LARS1: variants seen among roughly 807,000 people sequenced by gnomAD.
The protein encoded by LARS1 is leucine--tRNA ligase, cytoplasmic.
LARS1 carries 100 observed loss-of-function variants against 162.8 expected under a neutral mutation model. That is an observed-to-expected ratio of 0.61 (90% CI 0.52 to 0.73). The LOEUF is 0.73. LARS1 is among the 30% of genes least tolerant of loss of function. LARS1 has a pLI of 0.00. For synonymous variants in LARS1, 457 were observed against 462.8 expected (o/e 0.99, Z 0.16); for missense variants, 1,258 against 1,408.9 (o/e 0.89, Z 1.71).
intron 15 of LARS1, among the ~76,000 whole-genome samples, chr5:146,146,190 A>G (rs1013682597): frequency 6.6e-6 from 1 of 152,118 alleles, no homozygotes. Context: ...AAAATACAAA[A>G]TTAGCTGGGC....
rs761536429 is a variant in LARS1 at position 146,159,383 on chromosome 5, C to G, written c.771+24G>C. 1.9e-6 allele frequency: 3 copies of G among 1,568,710 alleles called. No homozygotes were observed. The Admixed American group carries it at 5.1e-5, about 26-fold the overall frequency. On this transcript the variant is annotated intron_variant, in intron 8 of 31. Coordinates refer to ENST00000394434, the MANE Select transcript of LARS1 (RefSeq NM_020117.11). ...GTCTTATTAAGGATTATTATAATAG[C>G]TACTCTGTCTCACAAATAATCACCT... is the stretch of plus-strand genomic sequence containing the variant.
At position 146,142,881 on chromosome 5, in the gene LARS1, G is replaced by A. The variant is rs746106759; in HGVS notation, c.2081C>T (p.Pro694Leu). The change falls in exon 20 of 32, where the codon CCG (proline) becomes CTG (leucine). Residue 694 changes from proline to leucine, a missense_variant. Transcript: ENST00000394434. Reference protein sequence around the residue: ...YYLYNHVAMWPEQSDKWPTAV... With the variant: ...YYLYNHVAMWLEQSDKWPTAV... ...CTATTTTATCATTCACCTTTGTTCC[G>A]GCCACATAGCCACATGATTATAAAG... is the stretch of plus-strand genomic sequence containing the variant. 6.2e-6 allele frequency: 10 copies of A among 1,612,368 alleles called. No homozygotes were observed. Among genetic ancestry groups the A allele is most frequent in the African/African-American group, 1.3e-5 (1 of 74,756 alleles).
At chr5:146,162,950 T>C (rs543654945) in intron 6 of LARS1, among the ~76,000 whole-genome samples, 3 of 152,240 alleles carry the variant, frequency 2.0e-5, no homozygotes, top group East Asian at 3.9e-4. Context: ...GCTGGGATTA[T>C]AGGAGCCCGC....
intron 2 of LARS1, among the ~76,000 whole-genome samples, chr5:146,174,467 T>TCC (rs1241085304): frequency 1.2e-3 from 6 of 5,114 alleles, no homozygotes; most frequent in South Asian, 9.1e-3. Context: ...TATATATCCA[T>TCC]ATATATATAT....
At chr5:146,123,907 T>C (rs893046406) in intron 29 of LARS1, 75 bp downstream of exon 29, 23 of 693,326 alleles carry the variant, frequency 3.3e-5, no homozygotes, top group African/African-American at 5.5e-5. Context: ...TATAAAAAGG[T>C]TTATTATAAA....
At chr5:146,156,624 G>A (rs763108032) in intron 10 of LARS1, among the ~76,000 whole-genome samples, 8 of 151,988 alleles carry the variant, frequency 5.3e-5, no homozygotes, top group Non-Finnish European at 1.2e-4. Flanking sequence ...GAACTCAGGA[G>A]GCAGAGGTGC....
chr5:146,151,876 C>A lies in LARS1; in HGVS notation c.1411G>T (p.Gly471Ter). 4 of 1,613,638 alleles carry A rather than the reference C, an allele frequency of 2.5e-6. No individual in the cohort carries two copies. The highest frequency in any genetic ancestry group is 3.4e-6 in the Non-Finnish European group (4 of 1,179,808). Residue 471 changes from glycine to a stop codon, truncating the protein, a stop_gained, in exon 14 of 32, where the codon GGA becomes TGA. Coordinates refer to ENST00000394434, the MANE Select transcript of LARS1 (RefSeq NM_020117.11). LOFTEE classifies it high-confidence loss of function. ...TTATTACTTACACCCTCATAAAATC[C>A]TTTTAGATATATCTTCTCCTTTGCT... The part of the protein sequence containing the change: ...AEAKEKIYLK[G>*]FYEGIMLVDG...
In LARS1 at chr5:146,151,842, T is replaced by C. The variant is rs1561817528; in HGVS notation, c.1425+20A>G. ...AGCATGGAGTAAAGCAAATAAAAAC[T>C]AAAAAAAATTATTACTTACACCCTC... On this transcript the variant is annotated intron_variant, in intron 14 of 31. Transcript: ENST00000394434. 6.3e-7 allele frequency: 1 copy of C among 1,598,614 alleles called. No homozygotes were observed.
At position 146,125,030 on chromosome 5, in the gene LARS1, C is replaced by CTA. The variant is rs892945080; in HGVS notation, c.2992-946_2992-945dup. 5.3e-5 allele frequency among the ~76,000 whole-genome samples: 8 copies of CTA among 151,620 alleles called. No homozygotes were observed. In the South Asian group the frequency reaches 6.2e-4, roughly 12 times the overall value. On this transcript the variant is annotated intron_variant, in intron 28 of 31. Transcript: ENST00000394434. Reference sequence around the variant, plus strand: ...ACACACACACACGCACACACACACTCTATATATATATACATATACACATAA... The same window carrying CTA: ...ACACACACACACGCACACACACACTCTATATATATATATACATATACACATAA...
rs974831105 is a variant in LARS1, at chr5:146,179,756, C to T, written c.7-2091G>A. 3 of 339,446 alleles carry T rather than the reference C, an allele frequency of 8.8e-6. No homozygotes were observed. The East Asian group carries it at 3.3e-4, about 37-fold the overall frequency. 21.0% of individuals were successfully genotyped at this position (339,446 alleles called of 1,614,324 possible). On this transcript the variant is annotated intron_variant, in intron 1 of 31. Coordinates refer to ENST00000394434, the MANE Select transcript of LARS1 (RefSeq NM_020117.11). ...CTGGGACTACAGGCATATGCACCAC[C>T]ATACCCAGATAGTTTTTGTATTTTT...
intron 4 of LARS1, among the ~76,000 whole-genome samples, chr5:146,170,107 C>T (rs538666752): frequency 1.6e-4 from 25 of 152,156 alleles, no homozygotes; most frequent in African/African-American, 4.1e-4. Flanking sequence ...ATCAATATCA[C>T]GACAAACAAC....
chr5:146,158,190 T>C (rs1253004769), intron 8 of LARS1, among the ~76,000 whole-genome samples: 1 of 152,202 alleles, frequency 6.6e-6, no homozygotes, highest in Non-Finnish European at 1.5e-5. Context: ...TAAGCCTTTC[T>C]TTCCTTATTG....
At chr5:146,181,781 C>T (rs1190070252) in intron 1 of LARS1, among the ~76,000 whole-genome samples, 1 of 149,596 alleles carries the variant, frequency 6.7e-6, no homozygotes, top group East Asian at 2.0e-4. Context: ...ATGTATTTTA[C>T]CCACACACAT....
At chr5:146,178,178 G>C (rs1455215823) in intron 1 of LARS1, among the ~76,000 whole-genome samples, 1 of 152,132 alleles carries the variant, frequency 6.6e-6, no homozygotes, top group Non-Finnish European at 1.5e-5. Flanking sequence ...ATATGTAAAA[G>C]GCTTTGATAT....
At chr5:146,178,362 C>A (rs1754690246) in intron 1 of LARS1, among the ~76,000 whole-genome samples, 1 of 151,966 alleles carries the variant, frequency 6.6e-6, no homozygotes, top group Non-Finnish European at 1.5e-5. Context: ...GCCTGTAATC[C>A]CAGCACTTTG....
Position 146,140,187 on chromosome 5 carries a change from GA to G in LARS1, c.2148+16del. On this transcript the variant is annotated intron_variant, in intron 21 of 31. Coordinates refer to ENST00000394434, the MANE Select transcript of LARS1 (RefSeq NM_020117.11). ...CTTCCACAGAATTTTAAACTTTTAA[GA>G]TGCAATAAGCCTTACCTTCTCAGAG... 7 of 1,599,316 alleles carry G rather than the reference GA, an allele frequency of 4.4e-6. No individual in the cohort carries two copies. The highest frequency in any genetic ancestry group is 6.0e-6 in the Non-Finnish European group (7 of 1,167,684).
chr5:146,151,047 C>T (rs1021961605), intron 14 of LARS1, among the ~76,000 whole-genome samples: 3 of 152,106 alleles, frequency 2.0e-5, no homozygotes, highest in African/African-American at 7.2e-5. Context: ...AACTATCTGG[C>T]TAATCTCAAG....
Position 146,177,659 on chromosome 5 carries a change from TTC to T in LARS1, c.11_12del (p.Arg4LysfsTer13), listed in dbSNP as rs777302019. 6.5e-7 allele frequency: 1 copy of T among 1,543,002 alleles called. No individual in the cohort carries two copies. Among genetic ancestry groups the T allele is most frequent in the Admixed American group, 1.7e-5 (1 of 58,678 alleles). On this transcript the variant is annotated frameshift_variant, in exon 2 of 32. Transcript: ENST00000394434. LOFTEE classifies it high-confidence loss of function. MAE[R>X]KGTAKVDFLK... ...AAAAAGTCCACTTTGGCTGTTCCTT[TTC>T]TTTCCTATTGGACACAAAGAGAATA... is the stretch of plus-strand genomic sequence containing the variant.
At position 146,130,177 on chromosome 5, in the gene LARS1, T is replaced by C; in HGVS notation, c.2488-19A>G. Reference sequence around the variant, plus strand: ...TTGCGGCCTATAAAATTTGAAATTATTTACCATTTCCCTCACCTTCTTTAA... The same window carrying C: ...TTGCGGCCTATAAAATTTGAAATTACTTACCATTTCCCTCACCTTCTTTAA... On this transcript the variant is annotated intron_variant, in intron 24 of 31. Coordinates refer to ENST00000394434, the MANE Select transcript of LARS1 (RefSeq NM_020117.11). 1 of 1,609,646 alleles carries C rather than the reference T, an allele frequency of 6.2e-7. No homozygotes were observed. Among genetic ancestry groups the C allele is most frequent in the Non-Finnish European group, 8.5e-7 (1 of 1,177,890 alleles).
Sources: gnomAD v4.1 joint callset for allele counts (sites outside exome capture counted in the v4.1 genomes callset) on GRCh38, gnomAD v4.1.1 for gene constraint, MANE v1.5 for transcripts, NCBI Gene and HGNC (gene_info 2026-07-23, HGNC 2026-07-21) for gene names.